ITGA6: variants seen among roughly 807,000 people sequenced by gnomAD.
ITGA6 encodes integrin subunit alpha 6.
In ITGA6, 63 loss-of-function variants were observed where a neutral mutation model predicts 133.6. The observed-to-expected ratio is 0.47, with a 90% CI of 0.38 to 0.58. ITGA6 has a LOEUF of 0.58. Ranked by LOEUF, ITGA6 falls within the 20% of genes least tolerant of loss-of-function variation. ITGA6 has a pLI of 0.00. For synonymous variants in ITGA6, 434 were observed against 482.0 expected (o/e 0.90, Z 1.30); for missense variants, 1,068 against 1,309.4 (o/e 0.82, Z 2.85).
intron 11 of ITGA6, among the ~76,000 whole-genome samples, chr2:172,482,352 A>G (rs1265312739): frequency 6.6e-6 from 1 of 152,238 alleles, no homozygotes; most frequent in African/African-American, 2.4e-5. Context: ...TAATACATCT[A>G]AAATCTTCTC....
chr2:172,428,842 T>C (rs1683991678), intron 1 of ITGA6, among the ~76,000 whole-genome samples: 1 of 152,248 alleles, frequency 6.6e-6, no homozygotes, highest in South Asian at 2.1e-4. Context: ...CTTTTATTTC[T>C]TAAACAGTGT....
Position 172,474,229 on chromosome 2 carries a change from G to T in ITGA6, c.950G>T (p.Gly317Val). The change falls in exon 6 of 26, where the codon GGC becomes GTC. Residue 317 changes from glycine to valine, a missense_variant. Transcript: ENST00000684293. The part of the protein sequence containing the change: ...FDGEGLASSF[G>V]YDVAVVDLNK... ...GGAGAAGGTCTGGCCTCTTCATTTG[G>T]CTATGATGTGGCGGTGGTGGACCTC... is the stretch of plus-strand genomic sequence containing the variant. 6.2e-7 allele frequency: 1 copy of T among 1,614,092 alleles called. No homozygotes were observed. The highest frequency in any genetic ancestry group is 1.1e-5 in the South Asian group (1 of 91,072).
chr2:172,492,690 T>A (rs991205177), intron 23 of ITGA6, among the ~76,000 whole-genome samples: 13 of 152,108 alleles, frequency 8.5e-5, no homozygotes, highest in Non-Finnish European at 1.9e-4. Context: ...AATGACTGCA[T>A]GTCATGGTGG....
Position 172,487,576 on chromosome 2 carries a change from G to C in ITGA6, c.2190G>C (p.Gln730His), listed in dbSNP as rs1389070501. The C allele has an allele frequency of 1.9e-6, 3 of 1,614,186 alleles. No individual in the cohort carries two copies. Among genetic ancestry groups the C allele is most frequent in the South Asian group, 2.2e-5 (2 of 91,076 alleles). ...PEKQLSCVAN[Q>H]NGSQADCELG... ...AACAGTTGAGTTGTGTTGCCAACCA[G>C]AATGGCTCGCAAGCTGACTGTGAGC... is the stretch of plus-strand genomic sequence containing the variant. Residue 730 changes from glutamine to histidine, a missense_variant, in exon 16 of 26, where the codon CAG becomes CAC. Physicochemically the swap from Gln to His is conservative, Grantham distance 24. Around this residue, in one of 3 missense-constraint regions of ITGA6, gnomAD observed 609 missense variants for 707.2 expected, o/e 0.86. Transcript: ENST00000684293.
At chr2:172,463,096 G>A (rs189302460) in intron 1 of ITGA6, among the ~76,000 whole-genome samples, 28 of 152,254 alleles carry the variant, frequency 1.8e-4, no homozygotes, top group Admixed American at 2.0e-4. Context: ...ACCTGTTCAC[G>A]GATCAGGCTT....
chr2:172,471,016 T>C lies in ITGA6; in HGVS notation c.686T>C (p.Met229Thr). Reference sequence around the variant, plus strand: ...CAAAAGAATAACACTTTTTTTGACATGAACATCTTTGAAGATGGGCCTTAT... The same window carrying C: ...CAAAAGAATAACACTTTTTTTGACACGAACATCTTTGAAGATGGGCCTTAT... ...VEQKNNTFFD[M>T]NIFEDGPYEV... Residue 229 changes from methionine to threonine, a missense_variant, in exon 5 of 26, where the codon ATG becomes ACG. Physicochemically the swap from Met to Thr is moderately conservative, Grantham distance 81 (BLOSUM62 -1). Transcript: ENST00000684293. 5 of 1,614,024 alleles carry C rather than the reference T, an allele frequency of 3.1e-6. No homozygotes were observed. The highest frequency in any genetic ancestry group is 3.4e-6 in the Non-Finnish European group (4 of 1,179,878).
chr2:172,500,919 T>G (rs1276526429), intron 24 of ITGA6, among the ~76,000 whole-genome samples: 1 of 152,206 alleles, frequency 6.6e-6, no homozygotes, highest in Non-Finnish European at 1.5e-5. Flanking sequence ...TCCCATATAT[T>G]GTACAAAGTG....
intron 1 of ITGA6, among the ~76,000 whole-genome samples, chr2:172,457,343 A>G (rs983366737): frequency 6.6e-6 from 1 of 151,772 alleles, no homozygotes; most frequent in Admixed American, 6.6e-5. Flanking sequence ...TTCACATTCA[A>G]TACTCATTCC....
chr2:172,469,517 A>G (rs556222017), intron 4 of ITGA6, 137 bp downstream of exon 4: 1 of 782,996 alleles, frequency 1.3e-6, no homozygotes, highest in East Asian at 2.7e-5. Context: ...AAATCTCTAA[A>G]TGATATGATT....
chr2:172,468,841 T>G (rs1685794007), intron 3 of ITGA6, among the ~76,000 whole-genome samples: 1 of 152,160 alleles, frequency 6.6e-6, no homozygotes, highest in African/African-American at 2.4e-5. Flanking sequence ...ACAGGTAAAT[T>G]TACAAATAAA....
Position 172,505,437 on chromosome 2 carries a change from G to C in ITGA6, c.*1369G>C, listed in dbSNP as rs1485312123. On this transcript the variant is annotated 3_prime_UTR_variant, in exon 26 of 26. Transcript: ENST00000684293. The stretch of plus-strand genomic sequence containing the variant: ...GAGTCGATGTTCTATTTTTTGTTTT[G>C]TTTCCTCCCCTATCTGTATTCCCAA... The C allele has an allele frequency of 6.6e-6, 1 of 151,972 alleles. No individual in the cohort carries two copies. The highest frequency in any genetic ancestry group is 1.9e-4 in the East Asian group (1 of 5,194). The allele number at this position is 151,972 out of a possible 1,614,324, so 9.4% of individuals were successfully genotyped here.
intron 5 of ITGA6, 70 bp downstream of exon 5, chr2:172,471,175 G>T (rs1685919001): frequency 9.5e-6 from 15 of 1,578,914 alleles, no homozygotes; most frequent in Non-Finnish European, 1.3e-5. Flanking sequence ...CCCTCGCAGG[G>T]CCTATGGCCC....
intron 11 of ITGA6, among the ~76,000 whole-genome samples, chr2:172,481,725 C>G (rs1686450019): frequency 6.6e-6 from 1 of 152,188 alleles, no homozygotes; most frequent in Non-Finnish European, 1.5e-5. Context: ...TGGATTATGA[C>G]TTCGTGCACA....
chr2:172,447,456 CA>C (rs1684814227), intron 1 of ITGA6, among the ~76,000 whole-genome samples: 1 of 152,086 alleles, frequency 6.6e-6, no homozygotes, highest in Non-Finnish European at 1.5e-5. Flanking sequence ...TCGCCCATCT[CA>C]GCCTACCAAA....
intron 13 of ITGA6, among the ~76,000 whole-genome samples, chr2:172,486,084 G>A (rs1488828601): frequency 6.8e-6 from 1 of 146,452 alleles, no homozygotes; most frequent in Non-Finnish European, 1.5e-5. Flanking sequence ...GCTGAGGCAG[G>A]AGAATGCCTT....
chr2:172,484,635 T>C (rs1686586850), intron 11 of ITGA6, 147 bp from the exon 12 acceptor site: 1 of 707,036 alleles, frequency 1.4e-6, no homozygotes, highest in Non-Finnish European at 2.5e-6. Flanking sequence ...CCATCACAAT[T>C]GTGCAAATGC....
At chr2:172,500,340 C>T (rs141513528) in intron 24 of ITGA6, among the ~76,000 whole-genome samples, 2,463 of 152,144 alleles carry the variant, frequency 0.016, 54 homozygotes, top group African/African-American at 0.055. Flanking sequence ...TGGCTGGGCG[C>T]GGTGGCTCCT....
At chr2:172,456,853 A>G (rs1685228598) in intron 1 of ITGA6, among the ~76,000 whole-genome samples, 1 of 152,208 alleles carries the variant, frequency 6.6e-6, no homozygotes. Flanking sequence ...TTGTTCTCTT[A>G]TGAGAGCTGC....
intron 1 of ITGA6, among the ~76,000 whole-genome samples, chr2:172,440,664 ATG>A (rs1193924618): frequency 6.6e-6 from 1 of 152,170 alleles, no homozygotes; most frequent in Non-Finnish European, 1.5e-5. Context: ...TTAGCTTATT[ATG>A]TGTTTTTCCA....
Sources: gnomAD v4.1 joint callset for allele counts (sites outside exome capture counted in the v4.1 genomes callset) on GRCh38, gnomAD v4.1.1 for gene constraint, gnomAD v4.1.1 regional missense constraint, MANE v1.5 for transcripts, NCBI Gene and HGNC (gene_info 2026-07-23, HGNC 2026-07-21) for gene names.